Variants in ZSWIM6 observed in about 807,000 individuals in gnomAD.
The protein encoded by ZSWIM6 is zinc finger SWIM-type containing 6.
In ZSWIM6, 9 loss-of-function variants were observed where a neutral mutation model predicts 113.2. That is an observed-to-expected ratio of 0.08 (90% CI 0.05 to 0.14). The LOEUF is 0.14. Ranked by LOEUF, ZSWIM6 falls within the 10% of genes least tolerant of loss-of-function variation. The probability of loss-of-function intolerance (pLI) is 1.00; values close to 1 mark genes in which losing one functional copy is unlikely to be tolerated. For synonymous variants in ZSWIM6, 611 were observed against 606.5 expected, an observed-to-expected ratio of 1.01 and a Z score of -0.11; for missense variants, 1,162 against 1,552.2, an observed-to-expected ratio of 0.75 and a Z score of 4.22.
chr5:61,391,746 G>A (rs1428523427), intron 1 of ZSWIM6: 6 of 1,127,946 alleles, frequency 5.3e-6, no homozygotes, highest in Non-Finnish European at 8.1e-6. Flanking sequence ...AGGCTGTGAG[G>A]TGGACCAGCT....
chr5:61,340,682 G>A (rs1044342056), intron 1 of ZSWIM6, among the ~76,000 whole-genome samples: 3 of 152,170 alleles, frequency 2.0e-5, no homozygotes, highest in African/African-American at 4.8e-5. Context: ...TGGCAAAGCC[G>A]TGTTGCTTAT....
At position 61,514,653 on chromosome 5, in the gene ZSWIM6, T is replaced by G. The variant is rs562434006; in HGVS notation, c.1334-6610T>G. On this transcript the variant is annotated intron_variant, in intron 4 of 13. Transcript: ENST00000252744. ...TTATTATATGGTTTTTCTTCATTAG[T>G]CTAAATATGGTGAATTATACTAATT... Among the ~76,000 whole-genome samples the G allele has an allele frequency of 6.6e-5, 10 of 152,272 alleles. No homozygotes were observed. The South Asian group carries it at 2.1e-3, about 32-fold the overall frequency.
intron 1 of ZSWIM6, among the ~76,000 whole-genome samples, chr5:61,418,891 G>A (rs770323786): frequency 3.3e-5 from 5 of 152,158 alleles, no homozygotes; most frequent in South Asian, 2.1e-4. Context: ...GTGCAATCTC[G>A]GCTCACTGCA....
intron 2 of ZSWIM6, among the ~76,000 whole-genome samples, chr5:61,475,993 C>T (rs1747700090): frequency 6.6e-6 from 1 of 152,172 alleles, no homozygotes. Context: ...GGAAAAGCAT[C>T]ACTTTTACCT....
chr5:61,340,905 C>T (rs973431672), intron 1 of ZSWIM6, among the ~76,000 whole-genome samples: 2 of 152,188 alleles, frequency 1.3e-5, no homozygotes, highest in Admixed American at 1.3e-4. Context: ...TAGTGTAAAA[C>T]ATTTGTGGAT....
chr5:61,457,970 C>T (rs993698070), intron 1 of ZSWIM6, among the ~76,000 whole-genome samples: 3 of 152,108 alleles, frequency 2.0e-5, no homozygotes, highest in African/African-American at 7.2e-5. Context: ...TCTCAAATTT[C>T]CCCCTCTTTA....
At chr5:61,422,030 C>T (rs910610355) in intron 1 of ZSWIM6, among the ~76,000 whole-genome samples, 5 of 152,090 alleles carry the variant, frequency 3.3e-5, no homozygotes, top group South Asian at 2.1e-4. Flanking sequence ...GTTTGTTGAT[C>T]GTTTCCTTTG....
chr5:61,438,597 A>G (rs1746760925), intron 1 of ZSWIM6, among the ~76,000 whole-genome samples: 1 of 152,222 alleles, frequency 6.6e-6, no homozygotes, highest in South Asian at 2.1e-4. Context: ...AGAGCACGTA[A>G]TATCAGAGCA....
intron 1 of ZSWIM6, among the ~76,000 whole-genome samples, chr5:61,464,593 C>T (rs1206584835): frequency 6.6e-6 from 1 of 152,086 alleles, no homozygotes; most frequent in African/African-American, 2.4e-5. Context: ...TGTGAGGACT[C>T]ATGTTGGGGT....
chr5:61,354,810 A>C (rs963568758), intron 1 of ZSWIM6, among the ~76,000 whole-genome samples: 11 of 152,146 alleles, frequency 7.2e-5, no homozygotes, highest in African/African-American at 2.7e-4. Flanking sequence ...CCATTTTATG[A>C]CTTATAGTCT....
chr5:61,449,832 G>C (rs186196456), intron 1 of ZSWIM6, among the ~76,000 whole-genome samples: 99 of 152,268 alleles, frequency 6.5e-4, no homozygotes, highest in African/African-American at 2.3e-3. Flanking sequence ...CAAATGGGAA[G>C]GCACTCTGAG....
chr5:61,345,593 G>C (rs1448230154), intron 1 of ZSWIM6, among the ~76,000 whole-genome samples: 2 of 152,156 alleles, frequency 1.3e-5, no homozygotes, highest in Non-Finnish European at 2.9e-5. Context: ...GCATGTTGGG[G>C]ATGATTTGTG....
rs1283573034 is a variant in ZSWIM6, at chr5:61,543,069, C to T, written c.2786-386C>T. On this transcript the variant is annotated intron_variant, in intron 13 of 13. Coordinates refer to ENST00000252744, the MANE Select transcript of ZSWIM6 (RefSeq NM_020928.2). This position sits in a 1 kb window ranked among gnomAD's most constrained non-coding sequence, Gnocchi z 4.3. ...TGTGTACTTTTACCTTACACACAAG[C>T]ACATAAGCCATGTAAAGTCCCTGTT... Among the ~76,000 whole-genome samples, 1 of 152,166 alleles carries T rather than the reference C, an allele frequency of 6.6e-6. No homozygotes were observed. Among genetic ancestry groups the T allele is most frequent in the Non-Finnish European group, 1.5e-5 (1 of 68,046 alleles).
At chr5:61,506,164 C>T (rs1348628005) in intron 4 of ZSWIM6, among the ~76,000 whole-genome samples, 4 of 152,090 alleles carry the variant, frequency 2.6e-5, no homozygotes, top group African/African-American at 4.8e-5. Context: ...CATGCTTGAC[C>T]GGAGCAATCT....
chr5:61,388,430 CAAAA>C (rs747231639), intron 1 of ZSWIM6, among the ~76,000 whole-genome samples: 3 of 152,130 alleles, frequency 2.0e-5, no homozygotes, highest in Admixed American at 6.5e-5. Flanking sequence ...AAAAACAAAA[CAAAA>C]AACCTACAAA....
At chr5:61,346,614 T>G (rs2112033500) in intron 1 of ZSWIM6, among the ~76,000 whole-genome samples, 1 of 152,346 alleles carries the variant, frequency 6.6e-6, no homozygotes, top group Non-Finnish European at 1.5e-5. Context: ...ATGTGAGCTC[T>G]AGCTTAACAT....
intron 12 of ZSWIM6, among the ~76,000 whole-genome samples, chr5:61,541,344 C>G (rs1397123214): frequency 6.6e-6 from 1 of 152,104 alleles, no homozygotes; most frequent in Non-Finnish European, 1.5e-5. Context: ...AAAATCAGAT[C>G]ACTAATGATA....
At chr5:61,408,612 T>C (rs1746087924) in intron 1 of ZSWIM6, among the ~76,000 whole-genome samples, 1 of 152,174 alleles carries the variant, frequency 6.6e-6, no homozygotes, top group African/African-American at 2.4e-5. Context: ...TGAAGTTTGC[T>C]TCGAAGTTCG....
At chr5:61,415,997 A>C (rs1326524164) in intron 1 of ZSWIM6, among the ~76,000 whole-genome samples, 1 of 152,210 alleles carries the variant, frequency 6.6e-6, no homozygotes, top group African/African-American at 2.4e-5. Flanking sequence ...GTTACTATAA[A>C]ACCAAAAGTG....
Sources: allele counts gnomAD v4.1 joint callset (sites outside exome capture counted in the v4.1 genomes callset), GRCh38; gene constraint gnomAD v4.1.1; non-coding constraint Gnocchi (gnomAD v3.1); transcripts MANE v1.5; gene names NCBI Gene and HGNC (gene_info 2026-07-23, HGNC 2026-07-21).